Variants in ZNF880 observed in about 807,000 individuals in gnomAD.
ZNF880 encodes the protein zinc finger protein LOC400713.
Under a neutral mutation model 11.8 loss-of-function variants are expected in ZNF880, and 12 were observed. That is an observed-to-expected ratio of 1.02 (90% CI 0.65 to 1.65). The LOEUF (loss-of-function observed/expected upper bound fraction) is 1.65, where lower values mean the gene tolerates loss of function less well. Ranked by LOEUF, ZNF880 falls within the 40% of genes most tolerant of loss-of-function variation. The probability of loss-of-function intolerance (pLI) is 0.00; values close to 1 mark genes in which losing one functional copy is unlikely to be tolerated. For missense variants in ZNF880, 601 were observed against 673.9 expected, an observed-to-expected ratio of 0.89 and a Z score of 1.20; for synonymous variants, 210 against 232.4, an observed-to-expected ratio of 0.90 and a Z score of 0.88.
At chr19:52,379,671 C>T (rs887905053) in intron 3 of ZNF880, 1 of 237,642 alleles carries the variant, frequency 4.2e-6, no homozygotes, top group Non-Finnish European at 8.5e-6. Flanking sequence ...ACTGCTCTTC[C>T]CAGCTCAGGT....
chr19:52,387,199 CAGA>C (rs1349912532), downstream of ZNF880, among the ~76,000 whole-genome samples: 23 of 143,958 alleles, frequency 1.6e-4, 3 homozygotes, highest in Non-Finnish European at 2.4e-4. Context: ...TTGACGCATC[CAGA>C]ACAATTTTGT....
chr19:52,371,458 C>T (rs1400413429), intron 1 of ZNF880, among the ~76,000 whole-genome samples: 1 of 152,056 alleles, frequency 6.6e-6, no homozygotes, highest in Non-Finnish European at 1.5e-5. Context: ...TCACTGCAAA[C>T]TCTGCCTCCC....
chr19:52,385,192 CATG>C lies in ZNF880; in HGVS notation c.1614_1616del (p.His538_Glu539delinsGln), dbSNP rs1239372657. On this transcript the variant is annotated inframe_deletion, in exon 4 of 4. Coordinates refer to ENST00000422689, the MANE Select transcript of ZNF880 (RefSeq NM_001145434.2). The stretch of plus-strand genomic sequence containing the variant: ...CAGCCACAAGTTATACCTAAAAAAA[CATG>C]AGAGAATTCATACTGGGGAGAAACC... 1 of 1,552,554 alleles carries C rather than the reference CATG, an allele frequency of 6.4e-7. No homozygotes were observed. Among genetic ancestry groups the C allele is most frequent in the Admixed American group, 2.0e-5 (1 of 51,006 alleles).
intron 3 of ZNF880, among the ~76,000 whole-genome samples, chr19:52,377,830 A>G (rs1049693896): frequency 1.3e-5 from 2 of 152,098 alleles, no homozygotes; most frequent in Non-Finnish European, 2.9e-5. Context: ...TCGTGACCCC[A>G]TAGTTCAGGG....
chr19:52,386,418 G>C (rs1477570480), downstream of ZNF880, among the ~76,000 whole-genome samples: 3 of 143,348 alleles, frequency 2.1e-5, no homozygotes, highest in Admixed American at 2.1e-4. Flanking sequence ...AACTAGCCAT[G>C]AAATAGAGCA....
chr19:52,369,956 A>C lies in ZNF880; in HGVS notation c.-10A>C. ...GGAGACCCGGAAGCAGATTACGTGG[A>C]GTGACGGTCATGCTGCGGCGTGTGA... is the stretch of plus-strand genomic sequence containing the variant. On this transcript the variant is annotated 5_prime_UTR_variant, in exon 1 of 4. Coordinates refer to ENST00000422689, the MANE Select transcript of ZNF880 (RefSeq NM_001145434.2). The C allele has an allele frequency of 1.9e-6, 3 of 1,551,566 alleles. No homozygotes were observed. The highest frequency in any genetic ancestry group is 1.2e-5 in the South Asian group (1 of 84,050).
chr19:52,380,353 T>C (rs1986674325), intron 3 of ZNF880, among the ~76,000 whole-genome samples: 2 of 152,070 alleles, frequency 1.3e-5, no homozygotes, highest in African/African-American at 4.8e-5. Flanking sequence ...TGATAGCTCA[T>C]TGTGTTTTTT....
chr19:52,367,866 A>G (rs1466880626), upstream of ZNF880: 7 of 152,078 alleles, frequency 4.6e-5, no homozygotes, highest in African/African-American at 7.2e-5. Flanking sequence ...ATATAGTAAT[A>G]TGACAAATAT....
intron 1 of ZNF880, among the ~76,000 whole-genome samples, chr19:52,372,819 A>G (rs1986420617): frequency 6.7e-6 from 1 of 148,204 alleles, no homozygotes; most frequent in Non-Finnish European, 1.5e-5. Flanking sequence ...CTGAGGCAGG[A>G]GAATGGCGTG....
rs869288387 is a variant in ZNF880, at chr19:52,376,509, C to CTTTTTTTTTTTTTTT, written c.268+2086_268+2100dup. Among the ~76,000 whole-genome samples, 45 of 58,316 alleles carry CTTTTTTTTTTTTTTT rather than the reference C, an allele frequency of 7.7e-4. 1 individual carries two copies. The highest frequency in any genetic ancestry group is 9.7e-4 in the Non-Finnish European group (33 of 34,028). 38.3% of individuals were successfully genotyped at this position (58,316 alleles called of 152,430 possible). On this transcript the variant is annotated intron_variant, in intron 3 of 3. Transcript: ENST00000422689. ...GTCCTTAGCACCGCCCCCCCCCCCC[C>CTTTTTTTTTTTTTTT]TTTTTTTTTTTTTTTTTTGAGACAG...
chr19:52,373,759 C>T (rs917114765), intron 2 of ZNF880, among the ~76,000 whole-genome samples: 10 of 148,340 alleles, frequency 6.7e-5, no homozygotes, highest in East Asian at 3.9e-4. Context: ...ATGCAACCTC[C>T]GCCTCCCGTT....
chr19:52,376,496 G>GCCC (rs772625389), intron 3 of ZNF880, among the ~76,000 whole-genome samples: 26 of 51,220 alleles, frequency 5.1e-4, no homozygotes, highest in East Asian at 1.0e-3. Context: ...CCTTAGCACC[G>GCCC]CCCCCCCCCC....
chr19:52,391,936 C>G, the ZNF880 span, among the ~76,000 whole-genome samples: 1 of 152,172 alleles, frequency 6.6e-6, no homozygotes, highest in South Asian at 2.1e-4. Flanking sequence ...CATCTCCGGT[C>G]ATCAAAATGT....
At chr19:52,388,282 C>CTTTTTTTTTTTTTTTTTTTTTTTTT (rs68179783), downstream of ZNF880, among the ~76,000 whole-genome samples, 1 of 63,414 alleles carries the variant, frequency 1.6e-5, no homozygotes, top group African/African-American at 8.8e-5. Context: ...GCAATTTGAA[C>CTTTTTTTTTTTTTTTTTTTTTTTTT]TTTTTTTTTT....
chr19:52,383,441 T>A (rs1986760676), intron 3 of ZNF880, among the ~76,000 whole-genome samples: 2 of 152,142 alleles, frequency 1.3e-5, no homozygotes, highest in African/African-American at 4.8e-5. Flanking sequence ...CTTTACTAAT[T>A]AGCCTGCTAT....
chr19:52,374,316 C>T lies in ZNF880; in HGVS notation c.157C>T (p.Leu53=). ...TTAAATAGGAATCTGTCTTCCTGAC[C>T]TGAGTGTTATCTCCATGTTGGAGCA... ...LVFLGICLPD[L]SVISMLEQRR... Residue 53 remains leucine (L), a synonymous_variant, in exon 3 of 4, where the codon CTG becomes TTG. Coordinates refer to ENST00000422689, the MANE Select transcript of ZNF880 (RefSeq NM_001145434.2). 1.2e-6 allele frequency: 2 copies of T among 1,613,374 alleles called. No individual in the cohort carries two copies. The highest frequency in any genetic ancestry group is 1.7e-6 in the Non-Finnish European group (2 of 1,179,820).
At chr19:52,386,346 C>G (rs1986888094), downstream of ZNF880, among the ~76,000 whole-genome samples, 1 of 142,756 alleles carries the variant, frequency 7.0e-6, no homozygotes, top group Non-Finnish European at 1.5e-5. Flanking sequence ...TGATGGCAGT[C>G]ATCATACTGT....
intron 3 of ZNF880, among the ~76,000 whole-genome samples, chr19:52,378,667 G>GA (rs1986624323): frequency 7.7e-6 from 1 of 129,674 alleles, no homozygotes; most frequent in Admixed American, 7.9e-5. Flanking sequence ...AAAAAAAAAA[G>GA]AAAGATCCTT....
intron 3 of ZNF880, 43 bp from the exon 4 acceptor site, chr19:52,383,806 C>A: frequency 6.7e-7 from 1 of 1,486,974 alleles, no homozygotes; most frequent in South Asian, 1.4e-5. Context: ...CTGAACATGC[C>A]ATTGTCATGG....
Sources: allele counts gnomAD v4.1 joint callset (sites outside exome capture counted in the v4.1 genomes callset), GRCh38; gene constraint gnomAD v4.1.1; transcripts MANE v1.5; gene names NCBI Gene and HGNC (gene_info 2026-07-23, HGNC 2026-07-21).